ACOT12: variants seen among roughly 807,000 people sequenced by gnomAD.
ACOT12 encodes the protein acetyl-coenzyme A thioesterase.
In ACOT12, 51 loss-of-function variants were observed where a neutral mutation model predicts 67.7. The ratio of observed to expected loss-of-function variants is 0.75; its 90% CI spans 0.60 to 0.95. The LOEUF is 0.95. ACOT12 is among the 40% of genes least tolerant of loss of function. The pLI is 0.00. For synonymous variants in ACOT12, 251 were observed against 244.6 expected (o/e 1.03, Z -0.24); for missense variants, 734 against 708.1 (o/e 1.04, Z -0.41).
chr5:81,336,857 T>G (rs534606563), intron 11 of ACOT12, among the ~76,000 whole-genome samples: 1 of 152,274 alleles, frequency 6.6e-6, no homozygotes, highest in South Asian at 2.1e-4. Context: ...AACATAAATA[T>G]CATCAATAAG....
the ACOT12 span, chr5:81,312,546 C>T: frequency 3.7e-6 from 6 of 1,610,970 alleles, no homozygotes; most frequent in African/African-American, 1.3e-5. Flanking sequence ...CTTTACAGAG[C>T]GAATGGTCAC....
intron 3 of ACOT12, among the ~76,000 whole-genome samples, chr5:81,368,487 C>T (rs1172941633): frequency 6.6e-6 from 1 of 151,748 alleles, no homozygotes; most frequent in Non-Finnish European, 1.5e-5. Flanking sequence ...TGAAATTATA[C>T]AAATTATGTT....
intron 12 of ACOT12, among the ~76,000 whole-genome samples, chr5:81,334,838 T>C (rs1259843896): frequency 1.3e-5 from 2 of 152,096 alleles, no homozygotes; most frequent in Admixed American, 6.6e-5. Context: ...CTGTACTGTG[T>C]TCCAGGAAAG....
At chr5:81,312,197 G>T in the ACOT12 span, among the ~76,000 whole-genome samples, 2 of 152,186 alleles carry the variant, frequency 1.3e-5, no homozygotes, top group African/African-American at 2.4e-5. Flanking sequence ...GTGGAATCTT[G>T]TGCATTTAAA....
chr5:81,327,804 C>CA (rs1402798074), downstream of ACOT12, among the ~76,000 whole-genome samples: 4 of 151,982 alleles, frequency 2.6e-5, no homozygotes, highest in Admixed American at 6.6e-5. Flanking sequence ...CCCTTACCAT[C>CA]AAAAAAACAG....
At chr5:81,332,126 G>C (rs1758847856) in intron 13 of ACOT12, among the ~76,000 whole-genome samples, 1 of 152,192 alleles carries the variant, frequency 6.6e-6, no homozygotes, top group African/African-American at 2.4e-5. Flanking sequence ...TGGATGTCTA[G>C]CATAGTCAAG....
At chr5:81,386,994 C>CTTTTTTTTTTTTTTTTTTTTTTTTTTTTT (rs1052387807) in intron 1 of ACOT12, among the ~76,000 whole-genome samples, 6 of 128,480 alleles carry the variant, frequency 4.7e-5, no homozygotes, top group African/African-American at 3.2e-5. Flanking sequence ...GGATGAGTTC[C>CTTTTTTTTTTTTTTTTTTTTTTTTTTTTT]ATTTTTTTTT....
At chr5:81,377,409 A>C (rs1374802951) in intron 2 of ACOT12, among the ~76,000 whole-genome samples, 1 of 152,216 alleles carries the variant, frequency 6.6e-6, no homozygotes. Flanking sequence ...AGCTGGAAGC[A>C]TTCCCTTTGA....
At chr5:81,384,049 T>G (rs1383127684) in intron 2 of ACOT12, among the ~76,000 whole-genome samples, 2 of 151,840 alleles carry the variant, frequency 1.3e-5, no homozygotes, top group Non-Finnish European at 2.9e-5. Flanking sequence ...CACTGACTCC[T>G]GCACTCCTGC....
intron 10 of ACOT12, 50 bp downstream of exon 10, chr5:81,343,768 T>C: frequency 6.3e-7 from 1 of 1,586,418 alleles, no homozygotes; most frequent in Non-Finnish European, 8.6e-7. Context: ...ATTTCCATTT[T>C]TGTAATGATG....
chr5:81,347,225 G>T (rs77285216), intron 6 of ACOT12, among the ~76,000 whole-genome samples: 1 of 152,046 alleles, frequency 6.6e-6, no homozygotes, highest in Non-Finnish European at 1.5e-5. Context: ...TCAAGTGATC[G>T]TCCCACCTCC....
intron 10 of ACOT12, 126 bp downstream of exon 10, chr5:81,343,692 T>A: frequency 1.2e-6 from 1 of 868,404 alleles, no homozygotes; most frequent in Non-Finnish European, 1.8e-6. Context: ...TTGACATGAC[T>A]GGCTGATATA....
chr5:81,324,056 C>T, the ACOT12 span, among the ~76,000 whole-genome samples: 2 of 151,966 alleles, frequency 1.3e-5, no homozygotes, highest in African/African-American at 2.4e-5. Context: ...ATTCTTCTGC[C>T]TCAGCCTCCC....
chr5:81,372,410 C>T (rs1284156577), intron 2 of ACOT12, among the ~76,000 whole-genome samples: 4 of 152,142 alleles, frequency 2.6e-5, no homozygotes, highest in Non-Finnish European at 4.4e-5. Flanking sequence ...CAATAGAAGC[C>T]CCCTGGATTT....
intron 12 of ACOT12, 63 bp downstream of exon 12, chr5:81,335,705 A>T (rs1758973909): frequency 6.5e-7 from 1 of 1,534,536 alleles, no homozygotes. Flanking sequence ...GGACTTCAGT[A>T]TGGAGATCAT....
At chr5:81,392,161 C>CAAAAAA (rs1760883986) in intron 1 of ACOT12, among the ~76,000 whole-genome samples, 1 of 152,060 alleles carries the variant, frequency 6.6e-6, no homozygotes, top group Non-Finnish European at 1.5e-5. Flanking sequence ...GCCTAGGGGT[C>CAAAAAA]ATAGAAATGC....
At chr5:81,391,480 T>C (rs1249080601) in intron 1 of ACOT12, among the ~76,000 whole-genome samples, 1 of 152,222 alleles carries the variant, frequency 6.6e-6, no homozygotes, top group Non-Finnish European at 1.5e-5. Context: ...CTGCCTTAAG[T>C]CTCTTTTATT....
At chr5:81,341,315 CAT>C (rs1261509352) in intron 11 of ACOT12, among the ~76,000 whole-genome samples, 1 of 152,114 alleles carries the variant, frequency 6.6e-6, no homozygotes, top group African/African-American at 2.4e-5. Flanking sequence ...ACAGAGAACT[CAT>C]AAAAGGAAAC....
chr5:81,386,640 A>G (rs1026630246), intron 1 of ACOT12, among the ~76,000 whole-genome samples: 11 of 152,202 alleles, frequency 7.2e-5, no homozygotes, highest in African/African-American at 2.7e-4. Context: ...TTGGCTTTAT[A>G]AGAACTTTTG....
Sources: allele counts gnomAD v4.1 joint callset (sites outside exome capture counted in the v4.1 genomes callset), GRCh38; gene constraint gnomAD v4.1.1; transcripts MANE v1.5; gene names NCBI Gene and HGNC (gene_info 2026-07-23, HGNC 2026-07-21).